KCNN4: variants seen among roughly 807,000 people sequenced by gnomAD.
The protein encoded by KCNN4 is potassium calcium-activated channel subfamily N member 4, also known as intermediate conductance calcium-activated potassium channel protein 4.
In KCNN4, 31 loss-of-function variants were observed where a neutral mutation model predicts 45.2. The ratio of observed to expected loss-of-function variants is 0.69; its 90% CI spans 0.52 to 0.92. The LOEUF is 0.92. Ranked by LOEUF, KCNN4 falls within the 40% of genes least tolerant of loss-of-function variation. KCNN4 has a pLI of 0.00. For missense variants in KCNN4, 463 were observed against 574.0 expected, an observed-to-expected ratio of 0.81 and a Z score of 1.98; for synonymous variants, 231 against 254.6, an observed-to-expected ratio of 0.91 and a Z score of 0.88.
rs201257292 is a variant in KCNN4, at chr19:43,767,634, G to A, written c.1193C>T (p.Thr398Met). The A allele has an allele frequency of 1.4e-4, 218 of 1,614,058 alleles. No individual in the cohort carries two copies. The highest frequency in any genetic ancestry group is 1.7e-4 in the Non-Finnish European group (199 of 1,180,038). ...SHRALEKQIDTLAGKLDALTE... is the reference protein window; with the variant it reads ...SHRALEKQIDMLAGKLDALTE... ...CAGGGCATCCAGCTTCCCCGCCAGC[G>A]TGTCAATCTGTTTCTCCAGGGCCCG... The change falls in exon 8 of 9, where the codon ACG (threonine) becomes ATG (methionine). Residue 398 changes from threonine to methionine, a missense_variant. Physicochemically the swap from Thr to Met is moderately conservative, Grantham distance 81 (BLOSUM62 -1). Coordinates refer to ENST00000648319, the MANE Select transcript of KCNN4 (RefSeq NM_002250.3).
rs1329762737 is a variant in KCNN4 at position 43,767,559 on chromosome 19, C to T, written c.1268G>A (p.Ser423Asn). 1 of 1,613,692 alleles carries T rather than the reference C, an allele frequency of 6.2e-7. No homozygotes were observed. Among genetic ancestry groups the T allele is most frequent in the Non-Finnish European group, 8.5e-7 (1 of 1,179,978 alleles). ...ALGPRQLPEP[S>N]QQSK ...CCTCACCAGCTACTTGGACTGCTGG[C>T]TGGGTTCTGGAAGCTGCCTCGGCCC... Residue 423 changes from serine (S) to asparagine (N), a missense_variant, in exon 8 of 9, where the codon AGC becomes AAC. By Grantham distance (46) the Ser-to-Asn change is conservative. Coordinates refer to ENST00000648319, the MANE Select transcript of KCNN4 (RefSeq NM_002250.3).
chr19:43,769,774 T>C lies in KCNN4; in HGVS notation c.875A>G (p.Asn292Ser). The change falls in exon 5 of 9, where the codon AAC becomes AGC. Residue 292 changes from asparagine (N) to serine (S), a missense_variant. Physicochemically the swap from Asn to Ser is conservative, Grantham distance 46 (BLOSUM62 1). This residue lies in a region of KCNN4 where 109 missense variants were observed against 183.7 expected (regional missense o/e 0.59). Transcript: ENST00000648319. The surrounding 1 kb of genome is among the most constrained non-coding windows in gnomAD (Gnocchi z 4.4). ...GTTGTGCACGTGCTTCTCTGCCTTG[T>C]TAAACTCCAGCTTCCGGGCCACCAC... ...VAVVARKLEF[N>S]KAEKHVHNFM... 6.2e-7 allele frequency: 1 copy of C among 1,613,908 alleles called. No homozygotes were observed. Among genetic ancestry groups the C allele is most frequent in the Non-Finnish European group, 8.5e-7 (1 of 1,179,980 alleles).
intron 4 of KCNN4, among the ~76,000 whole-genome samples, chr19:43,771,345 G>A (rs113756645): frequency 0.026 from 3,990 of 152,244 alleles, 82 homozygotes; most frequent in South Asian, 0.11. Flanking sequence ...AGCACTTTAC[G>A]TAGTTGGACC....
rs773893123 is a variant in KCNN4 at position 43,772,012 on chromosome 19, G to A, written c.807C>T (p.Cys269=). The change falls in exon 4 of 9, where the codon TGC becomes TGT. Residue 269 remains cysteine, a synonymous_variant. Coordinates refer to ENST00000648319, the MANE Select transcript of KCNN4 (RefSeq NM_002250.3). This position sits in a 1 kb window ranked among gnomAD's most constrained non-coding sequence, Gnocchi z 4.4. ...CAGCTGTACTCACCATGACTCCAGTGCACAGGCAGACGATCTTGCCCCACA... is the reference window on the plus strand; with the variant it reads ...CAGCTGTACTCACCATGACTCCAGTACACAGGCAGACGATCTTGCCCCACA... ...GTMWGKIVCL[C]TGVMGVCCTA... 6.8e-6 allele frequency: 11 copies of A among 1,611,622 alleles called. No individual in the cohort carries two copies. The highest frequency in any genetic ancestry group is 6.6e-5 in the South Asian group (6 of 90,644).
chr19:43,779,890 G>T (rs529099495), intron 1 of KCNN4, among the ~76,000 whole-genome samples: 33 of 152,178 alleles, frequency 2.2e-4, no homozygotes, highest in African/African-American at 7.7e-4. Context: ...TGCAGATTTG[G>T]GGAGAAATTG....
rs570884224 is a variant in KCNN4, at chr19:43,773,760, T to G, written c.683+432A>C. On this transcript the variant is annotated intron_variant, in intron 3 of 8. Coordinates refer to ENST00000648319, the MANE Select transcript of KCNN4 (RefSeq NM_002250.3). ...TCCAGAGCAGTTCCAAATCATCCCC[T>G]TCCTAGGATCACAAAAAGCACCTAC... Among the ~76,000 whole-genome samples, 43 of 152,300 alleles carry G rather than the reference T, an allele frequency of 2.8e-4. 2 individuals carry two copies. The South Asian group carries it at 5.4e-3, about 19-fold the overall frequency.
At position 43,767,659 on chromosome 19, in the gene KCNN4, G is replaced by T. The variant is rs200755307; in HGVS notation, c.1168C>A (p.Arg390=). 2.5e-6 allele frequency: 4 copies of T among 1,614,032 alleles called. No homozygotes were observed. Among genetic ancestry groups the T allele is most frequent in the Admixed American group, 1.7e-5 (1 of 60,002 alleles). ...GTGTCAATCTGTTTCTCCAGGGCCCGGTGTGAGCTGCTCAGATTCTGCTGC... is the reference window on the plus strand; with the variant it reads ...GTGTCAATCTGTTTCTCCAGGGCCCTGTGTGAGCTGCTCAGATTCTGCTGC... ...DLQQNLSSSH[R]ALEKQIDTLA... is the part of the protein sequence containing the mutation. Residue 390 remains arginine, a synonymous_variant, in exon 8 of 9, where the codon CGG becomes AGG. Transcript: ENST00000648319.
intron 2 of KCNN4, among the ~76,000 whole-genome samples, chr19:43,776,115 A>G (rs1018272151): frequency 2.4e-4 from 33 of 135,272 alleles, no homozygotes; most frequent in Non-Finnish European, 4.1e-4. Context: ...GCAACAGAGC[A>G]AGACCTTGTC....
At chr19:43,773,412 C>T (rs1969698388) in intron 3 of KCNN4, among the ~76,000 whole-genome samples, 1 of 152,200 alleles carries the variant, frequency 6.6e-6, no homozygotes, top group Non-Finnish European at 1.5e-5. Flanking sequence ...TCTCCTCCTG[C>T]CCTGAAGGAT....
chr19:43,776,717 A>ATTT lies in KCNN4; in HGVS notation c.160-84_160-82dup, dbSNP rs373080093. ...CCTCCACCTTTCCTTCAAAACCACCATTTTTTTTTTTTGATTCCCAATTTT... is the reference window on the plus strand; with the variant it reads ...CCTCCACCTTTCCTTCAAAACCACCATTTTTTTTTTTTTTTGATTCCCAATTTT... On this transcript the variant is annotated intron_variant, in intron 1 of 8. Coordinates refer to ENST00000648319, the MANE Select transcript of KCNN4 (RefSeq NM_002250.3). 4.2e-3 allele frequency: 2,844 copies of ATTT among 673,454 alleles called. 55 individuals carry two copies. In the African/African-American group the frequency reaches 0.045, roughly 11 times the overall value. The allele number at this position is 673,454 out of a possible 1,614,324, so 41.7% of individuals were successfully genotyped here.
Position 43,769,918 on chromosome 19 carries a change from C to T in KCNN4, c.820-89G>A. 1 of 819,678 alleles carries T rather than the reference C, an allele frequency of 1.2e-6. No individual in the cohort carries two copies. Among genetic ancestry groups the T allele is most frequent in the African/African-American group, 1.7e-5 (1 of 59,264 alleles). 50.8% of individuals were successfully genotyped at this position (819,678 alleles called of 1,614,324 possible). ...AACAGCCACAGACGGTAGGCACGAC[C>T]ATCCCCAGTTAGCAGACAAGCAAAG... On this transcript the variant is annotated intron_variant, in intron 4 of 8. Transcript: ENST00000648319. This position sits in a 1 kb window ranked among gnomAD's most constrained non-coding sequence, Gnocchi z 4.4.
At chr19:43,778,640 C>A (rs1969883305) in intron 1 of KCNN4, among the ~76,000 whole-genome samples, 1 of 152,176 alleles carries the variant, frequency 6.6e-6, no homozygotes, top group South Asian at 2.1e-4. Context: ...ACTTCTCTAT[C>A]TTTCTGCATT....
At chr19:43,767,841 C>T in intron 7 of KCNN4, 134 bp from the exon 8 acceptor site, 1 of 1,137,570 alleles carries the variant, frequency 8.8e-7, no homozygotes, top group Non-Finnish European at 1.3e-6. Context: ...ATAACTGTTA[C>T]CATGTATTGA....
chr19:43,779,950 C>CG (rs1175623365), intron 1 of KCNN4, among the ~76,000 whole-genome samples: 2 of 151,974 alleles, frequency 1.3e-5, no homozygotes, highest in Non-Finnish European at 2.9e-5. Flanking sequence ...GGAGGCAGGT[C>CG]GGGGGAGAGG....
intron 8 of KCNN4, 86 bp downstream of exon 8, chr19:43,767,454 T>TC: frequency 1.4e-6 from 2 of 1,475,982 alleles, no homozygotes; most frequent in Non-Finnish European, 1.8e-6. Context: ...CTCCCAGCCA[T>TC]CCCCCGCCCC....
rs200620230 is a variant in KCNN4, at chr19:43,776,630, G to A, written c.166C>T (p.Leu56Phe). The change falls in exon 2 of 9, where the codon CTC becomes TTC. Residue 56 changes from leucine (L) to phenylalanine (F), a missense_variant. Around this residue, in one of 3 missense-constraint regions of KCNN4, gnomAD observed 225 missense variants for 240.9 expected, o/e 0.93. Coordinates refer to ENST00000648319, the MANE Select transcript of KCNN4 (RefSeq NM_002250.3). ...MLWFGGCSWA[L>F]YLFLVKCTIS... Reference sequence around the variant, plus strand: ...GTGCATTTAACCAGGAACAGGTAGAGCGCCCACTGTCAGGGGGGACGGAAA... The same window carrying A: ...GTGCATTTAACCAGGAACAGGTAGAACGCCCACTGTCAGGGGGGACGGAAA... 1 of 1,611,608 alleles carries A rather than the reference G, an allele frequency of 6.2e-7. No individual in the cohort carries two copies. Among genetic ancestry groups the A allele is most frequent in the Non-Finnish European group, 8.5e-7 (1 of 1,177,676 alleles).
chr19:43,775,102 G>C (rs1232346115), intron 2 of KCNN4, among the ~76,000 whole-genome samples: 2 of 152,200 alleles, frequency 1.3e-5, no homozygotes, highest in East Asian at 3.8e-4. Flanking sequence ...GCGGTGGGTG[G>C]ATCACTTGAG....
At position 43,780,923 on chromosome 19, in the gene KCNN4, C is replaced by G; in HGVS notation, c.-62G>C. 6.4e-7 allele frequency: 1 copy of G among 1,554,146 alleles called. No individual in the cohort carries two copies. The highest frequency in any genetic ancestry group is 2.2e-5 in the East Asian group (1 of 44,572). ...CCAGGGTCCCCCACCTCGCAGCACG[C>G]ACAGGGCAGCCACTGTGGCTTGCAG... On this transcript the variant is annotated 5_prime_UTR_variant, in exon 1 of 9. Coordinates refer to ENST00000648319, the MANE Select transcript of KCNN4 (RefSeq NM_002250.3).
intron 1 of KCNN4, among the ~76,000 whole-genome samples, chr19:43,780,212 C>T (rs1044778029): frequency 2.6e-5 from 4 of 152,068 alleles, no homozygotes; most frequent in Non-Finnish European, 5.9e-5. Context: ...CGTCTAATGG[C>T]AACATCTTCA....
Sources: gnomAD v4.1 joint callset for allele counts (sites outside exome capture counted in the v4.1 genomes callset) on GRCh38, gnomAD v4.1.1 for gene constraint, gnomAD v4.1.1 regional missense constraint, Gnocchi (gnomAD v3.1) non-coding constraint, MANE v1.5 for transcripts, NCBI Gene and HGNC (gene_info 2026-07-23, HGNC 2026-07-21) for gene names.